TFEC: variants seen among roughly 807,000 people sequenced by gnomAD.
TFEC encodes transcription factor EC, also known as class E basic helix-loop-helix protein 34.
In TFEC, 31 loss-of-function variants were observed where a neutral mutation model predicts 41.6. The observed-to-expected ratio is 0.74, with a 90% CI of 0.56 to 1.01. The LOEUF (loss-of-function observed/expected upper bound fraction) is 1.01, where lower values mean the gene tolerates loss of function less well. Ranked by LOEUF, TFEC falls within the 50% of genes least tolerant of loss-of-function variation. TFEC has a pLI of 0.00. For missense variants in TFEC, 402 were observed against 404.1 expected (o/e 0.99, Z 0.04); for synonymous variants, 143 against 140.6 (o/e 1.02, Z -0.12).
chr7:115,957,529 T>G (rs1452888288), intron 3 of TFEC, among the ~76,000 whole-genome samples: 1 of 151,932 alleles, frequency 6.6e-6, no homozygotes, highest in Non-Finnish European at 1.5e-5. Context: ...AATTCATTAT[T>G]CAAAGTGTGC....
chr7:116,048,164 G>T (rs1457712719), intron 3 of TFEC, among the ~76,000 whole-genome samples: 1 of 152,092 alleles, frequency 6.6e-6, no homozygotes, highest in Admixed American at 6.6e-5. Flanking sequence ...TCAGACAATT[G>T]GTAATAATAA....
chr7:116,037,701 A>C (rs997398507), intron 3 of TFEC, among the ~76,000 whole-genome samples: 1 of 152,018 alleles, frequency 6.6e-6, no homozygotes, highest in Admixed American at 6.6e-5. Flanking sequence ...ACTACAAATT[A>C]TCTAAAATAT....
chr7:116,023,353 G>T (rs1192670207), intron 1 of TFEC, among the ~76,000 whole-genome samples: 1 of 152,176 alleles, frequency 6.6e-6, no homozygotes, highest in South Asian at 2.1e-4. Context: ...GATTAATTCA[G>T]CAAATAAAGA....
intron 1 of TFEC, among the ~76,000 whole-genome samples, chr7:115,996,024 C>T (rs1794353113): frequency 6.6e-6 from 1 of 152,132 alleles, no homozygotes; most frequent in South Asian, 2.1e-4. Context: ...TCTGCAATTC[C>T]CAAGCAAGTC....
chr7:116,088,349 G>T (rs1797248339), intron 3 of TFEC, among the ~76,000 whole-genome samples: 1 of 152,068 alleles, frequency 6.6e-6, no homozygotes, highest in South Asian at 2.1e-4. Flanking sequence ...CTGATAAGAG[G>T]AACTGCCTTA....
At chr7:115,944,776 C>G (rs1359788299) in intron 6 of TFEC, among the ~76,000 whole-genome samples, 1 of 151,314 alleles carries the variant, frequency 6.6e-6, no homozygotes. Context: ...TGTGGCTTTC[C>G]CACCTTTCAA....
intron 1 of TFEC, among the ~76,000 whole-genome samples, chr7:115,989,169 C>T (rs1300084972): frequency 6.6e-6 from 1 of 152,108 alleles, no homozygotes; most frequent in Non-Finnish European, 1.5e-5. Context: ...CATAGAGAGA[C>T]AAAGAGCATC....
intron 1 of TFEC, among the ~76,000 whole-genome samples, chr7:116,141,049 T>C (rs1347653679): frequency 6.6e-6 from 1 of 152,190 alleles, no homozygotes; most frequent in East Asian, 1.9e-4. Flanking sequence ...AAATTTACAA[T>C]CATTGTAAAT....
Position 116,147,149 on chromosome 7 carries a change from A to T in TFEC, c.-69+12641T>A, listed in dbSNP as rs191325803. On this transcript the variant is annotated intron_variant, in intron 1 of 8. Transcript: ENST00000484212. Reference sequence around the variant, plus strand: ...TATATCTGTCTAATTAGAGTTTCAGAAATGGATGAGAAAAAAGATGTAGAA... The same window carrying T: ...TATATCTGTCTAATTAGAGTTTCAGTAATGGATGAGAAAAAAGATGTAGAA... Among the ~76,000 whole-genome samples the T allele has an allele frequency of 3.9e-4, 60 of 152,324 alleles. No homozygotes were observed. In the East Asian group the frequency reaches 0.011, roughly 29 times the overall value.
intron 1 of TFEC, among the ~76,000 whole-genome samples, chr7:116,021,127 T>C (rs1795379355): frequency 6.6e-6 from 1 of 152,194 alleles, no homozygotes; most frequent in Non-Finnish European, 1.5e-5. Context: ...TAAGAATTGA[T>C]ATATAAAAGC....
chr7:116,088,389 A>T (rs1489876759), intron 3 of TFEC, among the ~76,000 whole-genome samples: 1 of 152,152 alleles, frequency 6.6e-6, no homozygotes, highest in Admixed American at 6.6e-5. Context: ...AACTGAGTAC[A>T]TGGTAGTAGT....
At chr7:115,958,012 C>A (rs544714422) in intron 3 of TFEC, among the ~76,000 whole-genome samples, 1 of 151,926 alleles carries the variant, frequency 6.6e-6, no homozygotes, top group East Asian at 1.9e-4. Context: ...TCAATAAGGA[C>A]ATTTTAGACT....
intron 5 of TFEC, among the ~76,000 whole-genome samples, chr7:115,953,523 C>T (rs1295728931): frequency 6.6e-6 from 1 of 152,008 alleles, no homozygotes; most frequent in African/African-American, 2.4e-5. Context: ...CTTGTTTAAG[C>T]TGCAGACACA....
chr7:115,974,086 G>T, intron 3 of TFEC, 84 bp downstream of exon 3: 3 of 1,101,554 alleles, frequency 2.7e-6, no homozygotes, highest in East Asian at 2.8e-5. Flanking sequence ...GCAGAAAAAA[G>T]CACCAGTTGC....
At chr7:115,950,202 G>C (rs564320022) in intron 6 of TFEC, among the ~76,000 whole-genome samples, 145 of 152,088 alleles carry the variant, frequency 9.5e-4, no homozygotes, top group African/African-American at 3.3e-3. Flanking sequence ...AATAGAGACA[G>C]AGTTTCACCA....
intron 3 of TFEC, among the ~76,000 whole-genome samples, chr7:116,109,617 A>G (rs1309202863): frequency 2.0e-5 from 3 of 152,222 alleles, no homozygotes; most frequent in Admixed American, 6.5e-5. Flanking sequence ...ACACTTTTAC[A>G]CTGTTGGTGG....
At chr7:115,980,169 A>C (rs886659057) in intron 2 of TFEC, among the ~76,000 whole-genome samples, 3 of 152,178 alleles carry the variant, frequency 2.0e-5, no homozygotes, top group Non-Finnish European at 4.4e-5. Context: ...GCCATGTGAC[A>C]CAGTTTTGAC....
intron 2 of TFEC, among the ~76,000 whole-genome samples, chr7:115,983,672 T>C (rs1354460050): frequency 3.9e-5 from 6 of 152,158 alleles, no homozygotes; most frequent in Admixed American, 3.3e-4. Flanking sequence ...TCACAATAAA[T>C]ATAAACTCCA....
At chr7:116,085,270 G>T (rs1053724332) in intron 3 of TFEC, among the ~76,000 whole-genome samples, 7 of 151,808 alleles carry the variant, frequency 4.6e-5, no homozygotes, top group African/African-American at 1.7e-4. Flanking sequence ...ATGAAAAGGA[G>T]TTATATTTTA....
Sources: gnomAD v4.1 joint callset for allele counts (sites outside exome capture counted in the v4.1 genomes callset) on GRCh38, gnomAD v4.1.1 for gene constraint, MANE v1.5 for transcripts, NCBI Gene and HGNC (gene_info 2026-07-23, HGNC 2026-07-21) for gene names.